Variants in NSMCE4A observed in about 807,000 individuals in gnomAD.
NSMCE4A encodes the protein NSE4A component of SMC5/6 complex.
A neutral mutation model predicts 47.9 loss-of-function variants in NSMCE4A; 40 were observed. The observed-to-expected ratio is 0.83, with a 90% confidence interval of 0.65 to 1.09. The LOEUF is 1.09. NSMCE4A is among the 50% of genes least tolerant of loss of function. NSMCE4A has a pLI of 0.00. For missense variants in NSMCE4A, 500 were observed against 507.0 expected (o/e 0.99, Z 0.13); for synonymous variants, 166 against 178.5 (o/e 0.93, Z 0.56).
At chr10:121,964,112 TA>T (rs1293145151) in intron 5 of NSMCE4A, among the ~76,000 whole-genome samples, 46 of 141,614 alleles carry the variant, frequency 3.2e-4, no homozygotes, top group African/African-American at 1.1e-3. Context: ...AATTATGGTT[TA>T]AAAAAAAACA....
At chr10:121,961,039 G>A (rs1952487554) in intron 7 of NSMCE4A, among the ~76,000 whole-genome samples, 1 of 114,758 alleles carries the variant, frequency 8.7e-6, no homozygotes, top group Non-Finnish European at 2.1e-5. Context: ...TATTATTTAT[G>A]AATGAAGTGA....
At chr10:121,968,140 T>C (rs1466675196) in intron 3 of NSMCE4A, among the ~76,000 whole-genome samples, 1 of 152,198 alleles carries the variant, frequency 6.6e-6, no homozygotes, top group Non-Finnish European at 1.5e-5. Context: ...GTGTCACAAC[T>C]GATATGCTGC....
chr10:121,965,366 C>G lies in NSMCE4A; in HGVS notation c.673G>C (p.Glu225Gln). 1 of 1,613,474 alleles carries G rather than the reference C, an allele frequency of 6.2e-7. No homozygotes were observed. The highest frequency in any genetic ancestry group is 8.5e-7 in the Non-Finnish European group (1 of 1,179,686). ...ACTCGTGGCTTTGGCACAGGGCACT[C>G]TCCGTATATTGAACCCAACCTAATG... Reference protein sequence around the residue: ...FHFLLGSIYGECPVPKPRVDR... With the variant: ...FHFLLGSIYGQCPVPKPRVDR... The change falls in exon 5 of 11, where the codon GAG (glutamate) becomes CAG (glutamine). Residue 225 changes from glutamate to glutamine, a missense_variant. By Grantham distance (29) the Glu-to-Gln change is conservative. Coordinates refer to ENST00000369023, the MANE Select transcript of NSMCE4A (RefSeq NM_017615.3).
At chr10:121,965,450 T>C (rs1210385211) in intron 4 of NSMCE4A, 65 bp from the exon 5 acceptor site, 1 of 1,242,646 alleles carries the variant, frequency 8.0e-7, no homozygotes, top group African/African-American at 1.5e-5. Flanking sequence ...CTAACTTTAC[T>C]AACTAAAAGT....
chr10:121,967,834 C>A (rs753993022), intron 3 of NSMCE4A, 28 bp from the exon 4 acceptor site: 1 of 1,593,804 alleles, frequency 6.3e-7, no homozygotes, highest in Admixed American at 1.8e-5. Flanking sequence ...AACAAAAAAC[C>A]CAGTTAAGCC....
At chr10:121,957,426 T>A (rs1952415078) in intron 10 of NSMCE4A, among the ~76,000 whole-genome samples, 167 bp from the exon 11 acceptor site, 1 of 104,190 alleles carries the variant, frequency 9.6e-6, no homozygotes, top group African/African-American at 3.8e-5. Flanking sequence ...CTTCTTCTTT[T>A]TTCTTTTTTT....
chr10:121,972,870 T>C (rs1241946363), intron 2 of NSMCE4A, among the ~76,000 whole-genome samples: 2 of 152,062 alleles, frequency 1.3e-5, no homozygotes, highest in African/African-American at 4.8e-5. Flanking sequence ...ATATATAAAG[T>C]GATAAAAGGA....
chr10:121,961,481 T>C lies in NSMCE4A; in HGVS notation c.881A>G (p.Asp294Gly), dbSNP rs756151302. Residue 294 changes from aspartate (D) to glycine (G), a missense_variant, in exon 7 of 11, where the codon GAT becomes GGT. Transcript: ENST00000369023. ...TPMSFFDFVVDPHSFPRTVEN... is the reference protein window; with the variant it reads ...TPMSFFDFVVGPHSFPRTVEN... Reference sequence around the variant, plus strand: ...CACTGTACGGGGGAAAGAATGAGGATCAACCACAAAGTCAAAGAAGGACAT... The same window carrying C: ...CACTGTACGGGGGAAAGAATGAGGACCAACCACAAAGTCAAAGAAGGACAT... The C allele has an allele frequency of 6.4e-7, 1 of 1,569,170 alleles. No individual in the cohort carries two copies. The highest frequency in any genetic ancestry group is 8.6e-7 in the Non-Finnish European group (1 of 1,167,268).
intron 6 of NSMCE4A, among the ~76,000 whole-genome samples, chr10:121,962,960 T>G (rs183473083): frequency 2.2e-4 from 34 of 152,268 alleles, no homozygotes; most frequent in Non-Finnish European, 2.1e-4. Context: ...CACATTACAT[T>G]TTATAATGAG....
intron 3 of NSMCE4A, among the ~76,000 whole-genome samples, chr10:121,968,927 A>G (rs994484504): frequency 3.3e-5 from 5 of 152,190 alleles, no homozygotes; most frequent in African/African-American, 1.2e-4. Flanking sequence ...CTTTCCTTAT[A>G]GTGTCTATAT....
chr10:121,963,180 G>A, intron 6 of NSMCE4A, 58 bp downstream of exon 6: 1 of 1,006,968 alleles, frequency 9.9e-7, no homozygotes. Flanking sequence ...TTAAATACAA[G>A]TAACCTCAGT....
chr10:121,974,786 C>A (rs918609913), intron 1 of NSMCE4A, 88 bp downstream of exon 1: 100 of 1,208,378 alleles, frequency 8.3e-5, no homozygotes, highest in Non-Finnish European at 3.1e-6. Context: ...CCGCCCGGCA[C>A]CTGCCTCCGG....
chr10:121,963,040 C>T (rs186923586), intron 6 of NSMCE4A, among the ~76,000 whole-genome samples, 198 bp downstream of exon 6: 6 of 152,208 alleles, frequency 3.9e-5, no homozygotes, highest in Admixed American at 3.3e-4. Context: ...CAAAAAAAAT[C>T]CCCATCTTTT....
At chr10:121,961,709 T>A in intron 6 of NSMCE4A, 192 bp from the exon 7 acceptor site, 1 of 480,708 alleles carries the variant, frequency 2.1e-6, no homozygotes, top group Non-Finnish European at 3.7e-6. Context: ...GGAAACCACC[T>A]CTAAGAAGCT....
At position 121,975,150 on chromosome 10, in the gene NSMCE4A, T is replaced by G; in HGVS notation, c.16A>C (p.Ser6Arg). 1 of 1,403,104 alleles carries G rather than the reference T, an allele frequency of 7.1e-7. No homozygotes were observed. 86.9% of individuals were successfully genotyped at this position (1,403,104 alleles called of 1,614,324 possible). ...CCCCGGCCCTCTGGCCCGCGGCCGC[T>G]GCTGTCCCCAGACATAGCGCCAATT... MSGDS[S>R]GRGPEGRGRG... Residue 6 changes from serine to arginine, a missense_variant, in exon 1 of 11, where the codon AGC becomes CGC. Ser to Arg is a moderately radical substitution (Grantham distance 110). Coordinates refer to ENST00000369023, the MANE Select transcript of NSMCE4A (RefSeq NM_017615.3).
intron 2 of NSMCE4A, among the ~76,000 whole-genome samples, chr10:121,971,572 G>A (rs963622589): frequency 2.0e-5 from 3 of 152,096 alleles, no homozygotes; most frequent in African/African-American, 7.2e-5. Flanking sequence ...TCTAATGAAA[G>A]CTGACCAGTC....
intron 2 of NSMCE4A, among the ~76,000 whole-genome samples, chr10:121,971,684 T>G (rs1304076907): frequency 1.3e-5 from 2 of 152,184 alleles, no homozygotes; most frequent in Admixed American, 6.5e-5. Flanking sequence ...TAATACTCAC[T>G]TTTCCCTCCA....
At chr10:121,962,244 C>G in intron 6 of NSMCE4A, 1 of 196,206 alleles carries the variant, frequency 5.1e-6, no homozygotes, top group Non-Finnish European at 1.1e-5. Flanking sequence ...CGGTGAAACC[C>G]AGGTTCTACT....
intron 5 of NSMCE4A, among the ~76,000 whole-genome samples, chr10:121,964,337 G>T (rs2134750466): frequency 6.6e-6 from 1 of 152,118 alleles, no homozygotes; most frequent in South Asian, 2.1e-4. Context: ...TAGAGACAGG[G>T]TTTCACCATG....
Sources: allele counts gnomAD v4.1 joint callset (sites outside exome capture counted in the v4.1 genomes callset), GRCh38; gene constraint gnomAD v4.1.1; transcripts MANE v1.5; gene names NCBI Gene and HGNC (gene_info 2026-07-23, HGNC 2026-07-21).